ZYG11B: variants seen among roughly 807,000 people sequenced by gnomAD.
ZYG11B encodes protein zyg-11 homolog B.
A neutral mutation model predicts 82.4 loss-of-function variants in ZYG11B; 36 were observed. The ratio of observed to expected loss-of-function variants is 0.44; its 90% CI spans 0.33 to 0.58. ZYG11B has a LOEUF of 0.58. Among genes scored for constraint, ZYG11B ranks in the 20% least tolerant of loss-of-function variants. The probability of loss-of-function intolerance (pLI) is 0.02; values close to 1 mark genes in which losing one functional copy is unlikely to be tolerated. For synonymous variants in ZYG11B, 303 were observed against 312.8 expected, an observed-to-expected ratio of 0.97 and a Z score of 0.33; for missense variants, 552 against 895.6, an observed-to-expected ratio of 0.62 and a Z score of 4.90.
At chr1:52,775,684 G>A (rs960095482) in intron 3 of ZYG11B, among the ~76,000 whole-genome samples, 4 of 101,230 alleles carry the variant, frequency 4.0e-5, no homozygotes, top group Non-Finnish European at 7.0e-5. Flanking sequence ...GAGTGGGTCT[G>A]TGTCTCAAAA....
At chr1:52,770,178 A>G (rs752093072) in intron 2 of ZYG11B, among the ~76,000 whole-genome samples, 7 of 150,746 alleles carry the variant, frequency 4.6e-5, no homozygotes, top group Non-Finnish European at 5.9e-5. Flanking sequence ...TATAACCACA[A>G]ACTCCTGGGC....
At position 52,796,398 on chromosome 1, in the gene ZYG11B, G is replaced by T; in HGVS notation, c.1434+7G>T. 1 of 1,608,914 alleles carries T rather than the reference G, an allele frequency of 6.2e-7. No homozygotes were observed. The highest frequency in any genetic ancestry group is 1.3e-5 in the African/African-American group (1 of 74,878). On this transcript the variant is annotated splice_region_variant and intron_variant, in intron 7 of 13. Transcript: ENST00000294353. ...TTCTATCCTGGCTGCCAAGGTACCT[G>T]AACTCTTGCTGAATAATTTTCTGTA... is the stretch of plus-strand genomic sequence containing the variant.
intron 2 of ZYG11B, among the ~76,000 whole-genome samples, chr1:52,767,588 C>A (rs561157100): frequency 1.3e-5 from 2 of 152,274 alleles, no homozygotes; most frequent in Admixed American, 6.5e-5. Flanking sequence ...CAGGTGTGAG[C>A]CACTATGCCC....
chr1:52,735,079 G>A lies in ZYG11B; in HGVS notation c.30+8396G>A, dbSNP rs200015906. Among the ~76,000 whole-genome samples, 12 of 149,426 alleles carry A rather than the reference G, an allele frequency of 8.0e-5. No individual in the cohort carries two copies. In the East Asian group the frequency reaches 1.2e-3, roughly 15 times the overall value. On this transcript the variant is annotated intron_variant, in intron 1 of 13. Transcript: ENST00000294353. Reference sequence around the variant, plus strand: ...CGGAGTTTCTCTCGTTGCCCAGGCTGGAGTGCAATGGCGCGATCTCGGCTC... The same window carrying A: ...CGGAGTTTCTCTCGTTGCCCAGGCTAGAGTGCAATGGCGCGATCTCGGCTC...
At chr1:52,785,697 C>T (rs780179585) in intron 5 of ZYG11B, among the ~76,000 whole-genome samples, 14 of 152,070 alleles carry the variant, frequency 9.2e-5, no homozygotes, top group Non-Finnish European at 1.6e-4. Context: ...CTTTGTGATC[C>T]GCCCACCTTA....
chr1:52,768,685 C>G (rs886493403), intron 2 of ZYG11B, among the ~76,000 whole-genome samples: 3 of 151,018 alleles, frequency 2.0e-5, no homozygotes, highest in Admixed American at 6.6e-5. Flanking sequence ...GCCTCCGCCT[C>G]CCAAGTTCGA....
chr1:52,785,791 C>A (rs181881117), intron 5 of ZYG11B, among the ~76,000 whole-genome samples: 199 of 152,074 alleles, frequency 1.3e-3, no homozygotes, highest in Admixed American at 2.7e-3. Context: ...ATTGAGTTGG[C>A]AAGTTAGTAA....
chr1:52,802,465 C>G (rs1231540248), intron 10 of ZYG11B, among the ~76,000 whole-genome samples: 3 of 150,024 alleles, frequency 2.0e-5, no homozygotes, highest in Non-Finnish European at 4.4e-5. Flanking sequence ...GTTCCCCCAA[C>G]TCAGTCTCCC....
intron 4 of ZYG11B, 62 bp from the exon 5 acceptor site, chr1:52,784,815 T>A: frequency 6.6e-7 from 1 of 1,521,472 alleles, no homozygotes; most frequent in Non-Finnish European, 8.9e-7. Context: ...AAAATAATTC[T>A]GCTCTGTGAA....
chr1:52,726,675 G>A lies in ZYG11B; in HGVS notation c.22G>A (p.Ala8Thr). 2 of 1,478,436 alleles carry A rather than the reference G, an allele frequency of 1.4e-6. No individual in the cohort carries two copies. Among genetic ancestry groups the A allele is most frequent in the Non-Finnish European group, 1.8e-6 (2 of 1,121,358 alleles). 91.6% of individuals were successfully genotyped at this position (1,478,436 alleles called of 1,614,324 possible). MPEDQAG[A>T]AMEEASPYSL... ...CTGCATGCCCGAGGACCAGGCCGGC[G>A]CAGCCATGGTGAGGGAGCAAGGCCT... The change falls in exon 1 of 14, where the codon GCA becomes ACA. Residue 8 changes from alanine (A) to threonine (T), a missense_variant. Transcript: ENST00000294353.
intron 8 of ZYG11B, among the ~76,000 whole-genome samples, 195 bp from the exon 9 acceptor site, chr1:52,801,624 A>G (rs1394613502): frequency 6.6e-6 from 1 of 152,188 alleles, no homozygotes; most frequent in African/African-American, 2.4e-5. Context: ...TCAGAATAAT[A>G]TAGAAGTATT....
intron 1 of ZYG11B, among the ~76,000 whole-genome samples, chr1:52,747,839 T>G (rs1373591109): frequency 6.6e-6 from 1 of 152,186 alleles, no homozygotes; most frequent in African/African-American, 2.4e-5. Flanking sequence ...TAATCCTGAC[T>G]CTACCATTTA....
intron 5 of ZYG11B, among the ~76,000 whole-genome samples, chr1:52,787,354 CATT>C (rs1379113755): frequency 2.0e-5 from 3 of 152,092 alleles, no homozygotes; most frequent in Admixed American, 2.0e-4. Flanking sequence ...CTATACGACA[CATT>C]ATTTAGGAAT....
At chr1:52,806,018 T>G (rs1419015612) in intron 10 of ZYG11B, among the ~76,000 whole-genome samples, 1 of 151,938 alleles carries the variant, frequency 6.6e-6, no homozygotes, top group East Asian at 1.9e-4. Flanking sequence ...AATATTAATA[T>G]AACTTTATAT....
intron 2 of ZYG11B, among the ~76,000 whole-genome samples, chr1:52,767,114 GTTATT>G (rs146395428): frequency 0.11 from 15,666 of 147,164 alleles, 1,809 homozygotes; most frequent in East Asian, 0.36. Context: ...GTTTTATGTT[GTTATT>G]TTATTTTATT....
intron 2 of ZYG11B, among the ~76,000 whole-genome samples, chr1:52,757,291 G>A (rs766264766): frequency 2.0e-5 from 3 of 152,114 alleles, no homozygotes; most frequent in Admixed American, 6.5e-5. Flanking sequence ...GGGATCATAG[G>A]CATGAGCCAC....
intron 1 of ZYG11B, among the ~76,000 whole-genome samples, chr1:52,738,114 C>CA (rs1252466987): frequency 6.6e-6 from 1 of 152,206 alleles, no homozygotes; most frequent in African/African-American, 2.4e-5. Flanking sequence ...GGTGTTCTTC[C>CA]AGAGAGTAGA....
intron 3 of ZYG11B, among the ~76,000 whole-genome samples, chr1:52,776,229 A>AAAAAAAAAATAT: frequency 4.2e-5 from 1 of 23,534 alleles, no homozygotes; most frequent in Non-Finnish European, 1.2e-4. Flanking sequence ...TAAAAAAAAA[A>AAAAAAAAAATAT]ATATATATAT....
intron 10 of ZYG11B, among the ~76,000 whole-genome samples, chr1:52,811,051 A>AAGAG (rs1553263649): frequency 0.031 from 4,392 of 142,870 alleles, 283 homozygotes; most frequent in African/African-American, 0.093. Context: ...AAAAAAAAAA[A>AAGAG]AGAGAAATTT....
Sources: gnomAD v4.1 joint callset for allele counts (sites outside exome capture counted in the v4.1 genomes callset) on GRCh38, gnomAD v4.1.1 for gene constraint, MANE v1.5 for transcripts, NCBI Gene and HGNC (gene_info 2026-07-23, HGNC 2026-07-21) for gene names.